The following EZH2 variants were observed in gnomAD, a reference collection of about 807,000 sequenced individuals.
EZH2 encodes enhancer of zeste 2 polycomb repressive complex 2 subunit.
EZH2 carries 18 observed loss-of-function variants against 98.4 expected under a neutral mutation model. The ratio of observed to expected loss-of-function variants is 0.18; its 90% CI spans 0.13 to 0.27. EZH2 has a LOEUF of 0.27. EZH2 is among the 10% of genes least tolerant of loss of function. The pLI is 1.00. For synonymous variants in EZH2, 338 were observed against 312.3 expected, an observed-to-expected ratio of 1.08 and a Z score of -0.87; for missense variants, 470 against 935.1, an observed-to-expected ratio of 0.50 and a Z score of 6.49.
At chr7:148,850,286 G>C (rs1415674998) in intron 1 of EZH2, among the ~76,000 whole-genome samples, 1 of 152,140 alleles carries the variant, frequency 6.6e-6, no homozygotes, top group African/African-American at 2.4e-5. Context: ...CCAAAGTGCT[G>C]GGATTACAGG....
chr7:148,826,187 G>T (rs533869338), intron 8 of EZH2, among the ~76,000 whole-genome samples: 3 of 151,468 alleles, frequency 2.0e-5, no homozygotes, highest in Admixed American at 2.0e-4. Flanking sequence ...TAAAACAACT[G>T]CTTAGTTAGC....
intron 1 of EZH2, chr7:148,883,453 G>C (rs1821307938): frequency 6.6e-6 from 1 of 152,204 alleles, no homozygotes; most frequent in African/African-American, 2.4e-5. Context: ...TTCGGGGTGC[G>C]TCGTGGGGAA....
chr7:148,842,100 A>G (rs1410866535), intron 3 of EZH2, among the ~76,000 whole-genome samples: 1 of 152,216 alleles, frequency 6.6e-6, no homozygotes, highest in African/African-American at 2.4e-5. Context: ...TTTCATTAGT[A>G]AACAAGATAC....
At chr7:148,855,179 T>C (rs1344017380) in intron 1 of EZH2, among the ~76,000 whole-genome samples, 1 of 152,246 alleles carries the variant, frequency 6.6e-6, no homozygotes. Context: ...ATAAGGATTA[T>C]TGGCCTTAGG....
chr7:148,817,172 T>G (rs758396692), intron 11 of EZH2, 50 bp downstream of exon 11: 44 of 1,547,756 alleles, frequency 2.8e-5, no homozygotes, highest in African/African-American at 4.1e-5. Context: ...AGTACAGTTT[T>G]ATCTCTATGT....
chr7:148,874,789 C>T (rs752692009), intron 1 of EZH2, among the ~76,000 whole-genome samples: 13 of 151,298 alleles, frequency 8.6e-5, no homozygotes, highest in East Asian at 1.9e-4. Flanking sequence ...AAAAAATTTA[C>T]GGGAGGCTTA....
chr7:148,829,329 T>TA (rs1190323379), intron 5 of EZH2, among the ~76,000 whole-genome samples: 3 of 152,178 alleles, frequency 2.0e-5, no homozygotes, highest in African/African-American at 7.2e-5. Context: ...TTTCAGGTAC[T>TA]GTAGTCCCTA....
chr7:148,872,518 T>C (rs1819571606), intron 1 of EZH2, among the ~76,000 whole-genome samples: 1 of 152,240 alleles, frequency 6.6e-6, no homozygotes, highest in Non-Finnish European at 1.5e-5. Context: ...AGTAAAATGT[T>C]TGATTTAGAA....
At chr7:148,812,738 T>C (rs866528660) in intron 15 of EZH2, among the ~76,000 whole-genome samples, 1 of 152,144 alleles carries the variant, frequency 6.6e-6, no homozygotes, top group Non-Finnish European at 1.5e-5. Context: ...TCTGAGCAGG[T>C]ATGCCATCGG....
intron 11 of EZH2, 106 bp from the exon 12 acceptor site, chr7:148,816,884 G>C (rs914708531): frequency 2.5e-6 from 2 of 787,764 alleles, no homozygotes; most frequent in African/African-American, 3.4e-5. Flanking sequence ...CTGTGACACT[G>C]CTAGATGCTG....
Position 148,818,176 on chromosome 7 carries a change from A to AG in EZH2, c.1000-60dup, listed in dbSNP as rs1358248929. ...GTTCTAAAACTCATTTTGATGGAAGAGAAAAAAAAATACTATATAAGCCAG... is the reference window on the plus strand; with the variant it reads ...GTTCTAAAACTCATTTTGATGGAAGAGGAAAAAAAAATACTATATAAGCCAG... On this transcript the variant is annotated intron_variant, in intron 9 of 19. Transcript: ENST00000320356. 4 of 1,498,258 alleles carry AG rather than the reference A, an allele frequency of 2.7e-6. 1 individual carries two copies. In the African/African-American group the frequency reaches 4.2e-5, roughly 16 times the overall value. 92.8% of individuals were successfully genotyped at this position (1,498,258 alleles called of 1,614,324 possible). A position where few individuals can be genotyped will look rare whatever the true frequency, so the allele number is the denominator to read the frequency against.
intron 1 of EZH2, among the ~76,000 whole-genome samples, chr7:148,861,790 G>A (rs1817703047): frequency 7.6e-6 from 1 of 132,214 alleles, no homozygotes; most frequent in South Asian, 2.5e-4. Context: ...GAGCAACATA[G>A]CCTTCTTTTA....
At position 148,828,747 on chromosome 7, in the gene EZH2, G is replaced by A. The variant is rs752660754; in HGVS notation, c.618C>T (p.His206=). Residue 206 remains histidine (H), a synonymous_variant, in exon 6 of 20, where the codon CAC becomes CAT. Coordinates refer to ENST00000320356, the MANE Select transcript of EZH2 (RefSeq NM_004456.5). The part of the protein sequence containing the change: ...REEKQKDLED[H]RDDKESRPPR... ...CCTAATAATCAGGCATACCATCTCGGTGATCCTCCAGATCTTTCTGCTTTT... is the reference window on the plus strand; with the variant it reads ...CCTAATAATCAGGCATACCATCTCGATGATCCTCCAGATCTTTCTGCTTTT... 6.2e-7 allele frequency: 1 copy of A among 1,612,964 alleles called. No homozygotes were observed. Among genetic ancestry groups the A allele is most frequent in the Admixed American group, 1.7e-5 (1 of 59,774 alleles).
At chr7:148,835,061 G>C (rs1337052615) in intron 3 of EZH2, among the ~76,000 whole-genome samples, 1 of 152,208 alleles carries the variant, frequency 6.6e-6, no homozygotes, top group Non-Finnish European at 1.5e-5. Context: ...CTGCACTGTA[G>C]TTCTTGCCCT....
chr7:148,868,674 A>T (rs1222238856), intron 1 of EZH2, among the ~76,000 whole-genome samples: 1 of 152,210 alleles, frequency 6.6e-6, no homozygotes, highest in Non-Finnish European at 1.5e-5. Context: ...GACATTAAGA[A>T]TCTATAGCCT....
chr7:148,847,205 A>G lies in EZH2; in HGVS notation c.94T>C (p.Phe32Leu). ...ACCTTTACTTCATCAGCTCGTCTGA[A>G]CCTCTTGAGCTGTCTCAGTCGCATG... ...EYMRLRQLKR[F>L]RRADEVKSMF... The change falls in exon 2 of 20, where the codon TTC becomes CTC. Residue 32 changes from phenylalanine (F) to leucine (L), a missense_variant. This residue lies in a region of EZH2 where 79 missense variants were observed against 122.1 expected (regional missense o/e 0.65). Coordinates refer to ENST00000320356, the MANE Select transcript of EZH2 (RefSeq NM_004456.5). The G allele has an allele frequency of 6.2e-7, 1 of 1,612,410 alleles. No individual in the cohort carries two copies. The highest frequency in any genetic ancestry group is 8.5e-7 in the Non-Finnish European group (1 of 1,179,560).
chr7:148,829,990 A>C, intron 4 of EZH2, 142 bp from the exon 5 acceptor site: 1 of 530,270 alleles, frequency 1.9e-6, no homozygotes, highest in South Asian at 3.7e-5. Context: ...GCAAACTCTA[A>C]AATTTATCAA....
At chr7:148,872,342 A>G (rs1819539753) in intron 1 of EZH2, among the ~76,000 whole-genome samples, 2 of 152,170 alleles carry the variant, frequency 1.3e-5, no homozygotes, top group South Asian at 4.1e-4. Context: ...GGGAGGGGGA[A>G]GTGGGAATTA....
At chr7:148,810,682 A>T (rs1484188438) in intron 16 of EZH2, among the ~76,000 whole-genome samples, 1 of 152,164 alleles carries the variant, frequency 6.6e-6, no homozygotes, top group Admixed American at 6.5e-5. Context: ...TGAGTTTTTT[A>T]AAAAAGCCGG....
Sources: gnomAD v4.1 joint callset for allele counts (sites outside exome capture counted in the v4.1 genomes callset) on GRCh38, gnomAD v4.1.1 for gene constraint, gnomAD v4.1.1 regional missense constraint, MANE v1.5 for transcripts, NCBI Gene and HGNC (gene_info 2026-07-23, HGNC 2026-07-21) for gene names.